MGRN1: variants seen among roughly 807,000 people sequenced by gnomAD.
MGRN1 encodes the protein mahogunin ring finger 1, also known as E3 ubiquitin-protein ligase MGRN1.
Under a neutral mutation model 69.2 loss-of-function variants are expected in MGRN1, and 29 were observed. The observed-to-expected ratio is 0.42, with a 90% CI of 0.31 to 0.57. The LOEUF (loss-of-function observed/expected upper bound fraction) is 0.57. Ranked by LOEUF, MGRN1 falls within the 20% of genes least tolerant of loss-of-function variation. MGRN1 has a pLI of 0.15. For missense variants in MGRN1, 998 were observed against 796.2 expected, an observed-to-expected ratio of 1.25 and a Z score of -3.05; for synonymous variants, 470 against 344.2, an observed-to-expected ratio of 1.37 and a Z score of -4.04.
intron 1 of MGRN1, among the ~76,000 whole-genome samples, chr16:4,628,705 C>T (rs557685740): frequency 1.4e-4 from 22 of 152,012 alleles, no homozygotes; most frequent in Non-Finnish European, 2.5e-4. Context: ...CCACCACGCC[C>T]GGCTAATTTT....
Position 4,668,324 on chromosome 16 carries a change from G to C in MGRN1, c.726+12G>C. On this transcript the variant is annotated intron_variant, in intron 8 of 16. Coordinates refer to ENST00000262370, the MANE Select transcript of MGRN1 (RefSeq NM_015246.4). ...AGCAGAAGCAAATTGTAAGTCATCA[G>C]AGGAAATATGACGTGCTTGAATTAA... 6.2e-7 allele frequency: 1 copy of C among 1,613,454 alleles called. No individual in the cohort carries two copies. Among genetic ancestry groups the C allele is most frequent in the Non-Finnish European group, 8.5e-7 (1 of 1,179,646 alleles).
Position 4,682,964 on chromosome 16 carries a change from AAGCTTTGCGCACCCGCCCGGGCC to A in MGRN1, c.1482+22_1482+44del. The A allele has an allele frequency of 6.5e-7, 1 of 1,538,118 alleles. No individual in the cohort carries two copies. Among genetic ancestry groups the A allele is most frequent in the Non-Finnish European group, 8.8e-7 (1 of 1,138,684 alleles). On this transcript the variant is annotated intron_variant, in intron 14 of 16. Coordinates refer to ENST00000262370, the MANE Select transcript of MGRN1 (RefSeq NM_015246.4). The stretch of plus-strand genomic sequence containing the variant: ...CCCCTGAGGTGAGGCCCCCCCGGGG[AAGCTTTGCGCACCCGCCCGGGCC>A]AGCCCTCCTCCAGCTTCTGTCGCTG...
At chr16:4,636,130 A>C (rs1898277314) in intron 1 of MGRN1, among the ~76,000 whole-genome samples, 1 of 152,094 alleles carries the variant, frequency 6.6e-6, no homozygotes, top group Non-Finnish European at 1.5e-5. Context: ...GGAAATGTAC[A>C]GCTCATTAAT....
chr16:4,675,749 AATT>A (rs2079040381), intron 10 of MGRN1, among the ~76,000 whole-genome samples: 1 of 151,676 alleles, frequency 6.6e-6, no homozygotes, highest in South Asian at 2.1e-4. Flanking sequence ...AAAAAAAAAA[AATT>A]ATAGCGAAGT....
chr16:4,682,047 C>A (rs2079195611), intron 13 of MGRN1, among the ~76,000 whole-genome samples: 1 of 152,242 alleles, frequency 6.6e-6, no homozygotes, highest in Non-Finnish European at 1.5e-5. Context: ...TGCTCTCGAG[C>A]AGGAAACTGC....
intron 7 of MGRN1, among the ~76,000 whole-genome samples, chr16:4,665,421 G>A (rs2078780747): frequency 6.6e-6 from 1 of 150,822 alleles, no homozygotes; most frequent in African/African-American, 2.4e-5. Context: ...CTGGAGTTCA[G>A]TGGCGTGATC....
Position 4,677,809 on chromosome 16 carries a change from C to T in MGRN1, c.1065+237C>T, listed in dbSNP as rs548251150. ...CCAGAGCCTGCGACAAGGCTGAGCG[C>T]GGTCGAGGTCTCGGTGGAGCCAGGT... On this transcript the variant is annotated intron_variant, in intron 11 of 16. Transcript: ENST00000262370. 4.1e-4 allele frequency among the ~76,000 whole-genome samples: 57 copies of T among 139,618 alleles called. 2 individuals are homozygous for T. In the South Asian group the frequency reaches 0.01, roughly 25 times the overall value. 91.6% of individuals were successfully genotyped at this position (139,618 alleles called of 152,430 possible). A position where few individuals can be genotyped will look rare whatever the true frequency, so the allele number is the denominator to read the frequency against.
At chr16:4,662,143 TCTC>T (rs1363678152) in intron 5 of MGRN1, among the ~76,000 whole-genome samples, 5 of 152,168 alleles carry the variant, frequency 3.3e-5, no homozygotes, top group African/African-American at 1.2e-4. Flanking sequence ...ACTCCTTTCT[TCTC>T]GTCTGTATTT....
chr16:4,644,036 G>T (rs2078220445), intron 1 of MGRN1, among the ~76,000 whole-genome samples: 1 of 151,760 alleles, frequency 6.6e-6, no homozygotes, highest in Admixed American at 6.6e-5. Context: ...GGAGTGAGGT[G>T]GTGCAATCTC....
chr16:4,686,497 TG>T, intron 16 of MGRN1: 1 of 1,385,322 alleles, frequency 7.2e-7, no homozygotes, highest in Non-Finnish European at 9.3e-7. Context: ...AGTGGCCTCC[TG>T]GGGGGTCCTG....
At position 4,650,418 on chromosome 16, in the gene MGRN1, C is replaced by T. The variant is rs769136725; in HGVS notation, c.142C>T (p.His48Tyr). 3.7e-6 allele frequency: 6 copies of T among 1,614,106 alleles called. No homozygotes were observed. In the East Asian group the frequency reaches 6.7e-5, roughly 18 times the overall value. ...FMGGEKFDTP[H>Y]PEGYLFGENM... is the part of the protein sequence containing the mutation. ...GGGAGGAGAGAAATTCGACACCCCC[C>T]ACCCTGAAGGTTACCTCTTTGGAGA... The change falls in exon 2 of 17, where the codon CAC becomes TAC. Residue 48 changes from histidine (H) to tyrosine (Y), a missense_variant. Coordinates refer to ENST00000262370, the MANE Select transcript of MGRN1 (RefSeq NM_015246.4).
At position 4,689,601 on chromosome 16, in the gene MGRN1, G is replaced by A. The variant is rs1006793440; in HGVS notation, c.*693G>A. 1 of 152,196 alleles carries A rather than the reference G, an allele frequency of 6.6e-6. No homozygotes were observed. Among genetic ancestry groups the A allele is most frequent in the Non-Finnish European group, 1.5e-5 (1 of 68,048 alleles). The allele number at this position is 152,196 out of a possible 1,614,324, so 9.4% of individuals were successfully genotyped here. ...AGCTGCTTCCAGCAGCCAGCATTCA[G>A]TGGCCTTGTCACCAAGCTCCACACC... On this transcript the variant is annotated 3_prime_UTR_variant, in exon 17 of 17. Coordinates refer to ENST00000262370, the MANE Select transcript of MGRN1 (RefSeq NM_015246.4).
intron 1 of MGRN1, among the ~76,000 whole-genome samples, chr16:4,630,827 T>A (rs1353013582): frequency 6.0e-5 from 9 of 149,962 alleles, no homozygotes; most frequent in African/African-American, 2.2e-4. Flanking sequence ...TTTTTTTTTT[T>A]TAATTTTGAG....
intron 7 of MGRN1, among the ~76,000 whole-genome samples, chr16:4,665,940 C>T (rs1053224505): frequency 1.3e-5 from 2 of 151,918 alleles, no homozygotes; most frequent in Admixed American, 1.3e-4. Context: ...TGCCATTCTC[C>T]TCCCTCAGCC....
At chr16:4,661,737 TGTC>T (rs1333203056) in intron 5 of MGRN1, among the ~76,000 whole-genome samples, 1 of 152,264 alleles carries the variant, frequency 6.6e-6, no homozygotes, top group Non-Finnish European at 1.5e-5. Context: ...TGTGCGTTGT[TGTC>T]CATCCCATGG....
intron 1 of MGRN1, among the ~76,000 whole-genome samples, chr16:4,636,398 C>G (rs950855176): frequency 6.6e-6 from 1 of 152,128 alleles, no homozygotes; most frequent in African/African-American, 2.4e-5. Context: ...AGTGAGTGAT[C>G]TGGCGTCTGC....
chr16:4,685,114 G>A (rs1314119949), intron 16 of MGRN1, among the ~76,000 whole-genome samples: 2 of 152,254 alleles, frequency 1.3e-5, no homozygotes, highest in African/African-American at 2.4e-5. Flanking sequence ...CACAGCAGAA[G>A]GTGTGTTTAG....
Position 4,651,956 on chromosome 16 carries a change from C to T in MGRN1, c.208-7C>T. On this transcript the variant is annotated splice_region_variant and splice_polypyrimidine_tract_variant and intron_variant, in intron 2 of 16. Transcript: ENST00000262370. ...AGTCACCTGGGGCCCTGTGGTTTTTCTCCTAGTTTCCCTACGTCACTCCTG... is the reference window on the plus strand; with the variant it reads ...AGTCACCTGGGGCCCTGTGGTTTTTTTCCTAGTTTCCCTACGTCACTCCTG... 6.2e-7 allele frequency: 1 copy of T among 1,613,634 alleles called. No homozygotes were observed. The highest frequency in any genetic ancestry group is 8.5e-7 in the Non-Finnish European group (1 of 1,179,776).
chr16:4,634,038 T>C (rs966082788), intron 1 of MGRN1, among the ~76,000 whole-genome samples: 86 of 152,192 alleles, frequency 5.7e-4, no homozygotes, highest in African/African-American at 2.0e-3. Flanking sequence ...CTGTGAAAAT[T>C]GCAGCTGCCA....
Sources: gnomAD v4.1 joint callset for allele counts (sites outside exome capture counted in the v4.1 genomes callset) on GRCh38, gnomAD v4.1.1 for gene constraint, MANE v1.5 for transcripts, NCBI Gene and HGNC (gene_info 2026-07-23, HGNC 2026-07-21) for gene names.